The following CDH11 variants were observed in gnomAD, a reference collection of about 807,000 sequenced individuals.
CDH11 encodes the protein cadherin 11.
A neutral mutation model predicts 67.8 loss-of-function variants in CDH11; 11 were observed. The ratio of observed to expected loss-of-function variants is 0.16; its 90% CI spans 0.10 to 0.27. The LOEUF is 0.27. Ranked by LOEUF, CDH11 falls within the 10% of genes least tolerant of loss-of-function variation. CDH11 has a pLI of 1.00. For synonymous variants in CDH11, 419 were observed against 400.0 expected (o/e 1.05, Z -0.57); for missense variants, 847 against 1,031.2 (o/e 0.82, Z 2.45).
intron 1 of CDH11, among the ~76,000 whole-genome samples, chr16:65,069,231 A>G (rs2074373050): frequency 6.6e-6 from 1 of 152,230 alleles, no homozygotes; most frequent in African/African-American, 2.4e-5. Flanking sequence ...ATAAAGAAAC[A>G]TGGGAAAATA....
chr16:65,074,784 G>C (rs975224795), intron 1 of CDH11, among the ~76,000 whole-genome samples: 2 of 152,080 alleles, frequency 1.3e-5, no homozygotes, highest in African/African-American at 4.8e-5. Context: ...TAGTGATAAA[G>C]ACCCACATTC....
At chr16:64,974,020 C>A (rs1311001692) in intron 8 of CDH11, among the ~76,000 whole-genome samples, 1 of 152,030 alleles carries the variant, frequency 6.6e-6, no homozygotes, top group Non-Finnish European at 1.5e-5. Context: ...TTACTCCCAC[C>A]CACTAAGTTA....
In CDH11 at chr16:65,121,897, G is replaced by A; in HGVS notation, c.-315C>T. 1 of 701,940 alleles carries A rather than the reference G, an allele frequency of 1.4e-6. No individual in the cohort carries two copies. The highest frequency in any genetic ancestry group is 2.6e-6 in the Non-Finnish European group (1 of 384,638). 43.5% of individuals were successfully genotyped at this position (701,940 alleles called of 1,614,324 possible). A position where few individuals can be genotyped will look rare whatever the true frequency, so the allele number is the denominator to read the frequency against. ...CACCTCACCTGGGGCCCTTGAGGGT[G>A]GACGCAACCTCCGAGCCGCCAGTCC... On this transcript the variant is annotated 5_prime_UTR_variant, in exon 1 of 13. Transcript: ENST00000268603. This position sits in a 1 kb window ranked among gnomAD's most constrained non-coding sequence, Gnocchi z 4.1.
intron 11 of CDH11, among the ~76,000 whole-genome samples, chr16:64,959,617 T>C (rs534647683): frequency 6.6e-6 from 1 of 152,232 alleles, no homozygotes; most frequent in Non-Finnish European, 1.5e-5. Flanking sequence ...ACTGCAGCAA[T>C]GAATTTTAGG....
At chr16:65,082,563 A>C (rs2074629315) in intron 1 of CDH11, among the ~76,000 whole-genome samples, 1 of 152,190 alleles carries the variant, frequency 6.6e-6, no homozygotes, top group African/African-American at 2.4e-5. Context: ...CTCCAGATTC[A>C]ACTGACTTCC....
chr16:65,056,238 C>T (rs1283417871), intron 1 of CDH11, among the ~76,000 whole-genome samples: 3 of 152,166 alleles, frequency 2.0e-5, no homozygotes, highest in Non-Finnish European at 4.4e-5. Context: ...AAGCTCCAGA[C>T]AGCCAGGAGG....
intron 1 of CDH11, chr16:65,118,779 ACT>A (rs2075282605): frequency 6.6e-6 from 1 of 152,188 alleles, no homozygotes; most frequent in Non-Finnish European, 1.5e-5. Flanking sequence ...TATATATTCC[ACT>A]GTTTTATTAT....
intron 1 of CDH11, among the ~76,000 whole-genome samples, chr16:65,102,582 C>A (rs572492196): frequency 6.6e-6 from 1 of 152,320 alleles, no homozygotes; most frequent in African/African-American, 2.4e-5. Flanking sequence ...ACCATAAACA[C>A]CCTTGCATGT....
At chr16:65,060,211 A>G (rs1454713042) in intron 1 of CDH11, among the ~76,000 whole-genome samples, 4 of 152,104 alleles carry the variant, frequency 2.6e-5, no homozygotes, top group South Asian at 2.1e-4. Flanking sequence ...TGGGAATTCC[A>G]ATCTAGATTT....
intron 2 of CDH11, among the ~76,000 whole-genome samples, chr16:65,028,546 A>C (rs1443117638): frequency 6.6e-6 from 1 of 152,090 alleles, no homozygotes. Flanking sequence ...TCTATGCCTC[A>C]TCTTCCCTCT....
chr16:65,110,258 A>C (rs2075133913), intron 1 of CDH11, among the ~76,000 whole-genome samples: 1 of 152,190 alleles, frequency 6.6e-6, no homozygotes, highest in Non-Finnish European at 1.5e-5. Flanking sequence ...AGAAGAACTC[A>C]AAAGCCAGAT....
intron 11 of CDH11, among the ~76,000 whole-genome samples, chr16:64,962,996 T>G (rs2071714366): frequency 6.6e-6 from 1 of 152,184 alleles, no homozygotes; most frequent in South Asian, 2.1e-4. Flanking sequence ...GTTAAAGGCT[T>G]ATTTATAGCA....
chr16:65,045,351 A>AAGTATATATC lies in CDH11; in HGVS notation c.-173+8452_-173+8453insGATATATACT, dbSNP rs2073941052. Among the ~76,000 whole-genome samples the AAGTATATATC allele has an allele frequency of 1.7e-5, 2 of 119,630 alleles. 1 individual carries two copies. Among genetic ancestry groups the AAGTATATATC allele is most frequent in the Non-Finnish European group, 3.6e-5 (2 of 55,496 alleles). 78.5% of individuals were successfully genotyped at this position (119,630 alleles called of 152,430 possible). ...AAAGTATATATATATATATATATAT[A>AAGTATATATC]TATATATATATATATATATATGAAC... On this transcript the variant is annotated intron_variant, in intron 2 of 12. Coordinates refer to ENST00000268603, the MANE Select transcript of CDH11 (RefSeq NM_001797.4).
intron 11 of CDH11, among the ~76,000 whole-genome samples, chr16:64,964,689 C>G (rs985314646): frequency 1.3e-5 from 2 of 152,072 alleles, no homozygotes; most frequent in Non-Finnish European, 2.9e-5. Flanking sequence ...GCTGGGACTA[C>G]AGGCACCCGC....
intron 3 of CDH11, among the ~76,000 whole-genome samples, chr16:65,002,930 CTTTTTTTT>C (rs1011429142): frequency 7.1e-6 from 1 of 140,850 alleles, no homozygotes; most frequent in African/African-American, 2.6e-5. Flanking sequence ...TTCTTTTTTT[CTTTTTTTT>C]TTTTTAATTG....
intron 1 of CDH11, among the ~76,000 whole-genome samples, chr16:65,100,897 A>G (rs904229990): frequency 1.1e-4 from 17 of 152,128 alleles, no homozygotes; most frequent in Non-Finnish European, 2.1e-4. Context: ...ATGATATCTG[A>G]AAAAACAATT....
intron 5 of CDH11, 150 bp downstream of exon 5, chr16:64,992,765 C>T: frequency 1.7e-6 from 1 of 590,418 alleles, no homozygotes. Flanking sequence ...TAGGCACAGG[C>T]CAAGTATCTA....
intron 11 of CDH11, among the ~76,000 whole-genome samples, chr16:64,966,794 A>T (rs762027434): frequency 6.6e-6 from 1 of 152,216 alleles, no homozygotes; most frequent in Non-Finnish European, 1.5e-5. Context: ...ACTACAGCAG[A>T]GTCAGAATTA....
chr16:64,992,932 GA>G lies in CDH11; in HGVS notation c.625del (p.Ser209ArgfsTer27). On this transcript the variant is annotated frameshift_variant, in exon 5 of 13. Coordinates refer to ENST00000268603, the MANE Select transcript of CDH11 (RefSeq NM_001797.4). LOFTEE classifies it high-confidence loss of function. Reference protein sequence around the residue: ...YSILEGQPYFSVEAQTGIIRT... With the variant: ...YSILEGQPYFXVEAQTGIIRT... ...CACAGTACCTGTCTGTGCTTCCACCGAAAAATAGGGTTGTCCTTCGAGGATA... is the reference window on the plus strand; with the variant it reads ...CACAGTACCTGTCTGTGCTTCCACCGAAAATAGGGTTGTCCTTCGAGGATA... The G allele has an allele frequency of 6.2e-7, 1 of 1,613,288 alleles. No homozygotes were observed. Among genetic ancestry groups the G allele is most frequent in the East Asian group, 2.2e-5 (1 of 44,852 alleles).
Sources: gnomAD v4.1 joint callset for allele counts (sites outside exome capture counted in the v4.1 genomes callset) on GRCh38, gnomAD v4.1.1 for gene constraint, Gnocchi (gnomAD v3.1) non-coding constraint, MANE v1.5 for transcripts, NCBI Gene and HGNC (gene_info 2026-07-23, HGNC 2026-07-21) for gene names.